The following MXI1 variants were observed in gnomAD, a reference collection of about 807,000 sequenced individuals.
MXI1 encodes MAX interactor 1, dimerization protein.
Under a neutral mutation model 36.9 loss-of-function variants are expected in MXI1, and 18 were observed. That is an observed-to-expected ratio of 0.49 (90% CI 0.34 to 0.72). The LOEUF is 0.72. MXI1 is among the 30% of genes least tolerant of loss of function. MXI1 has a pLI of 0.01. For synonymous variants in MXI1, 160 were observed against 146.7 expected, an observed-to-expected ratio of 1.09 and a Z score of -0.65; for missense variants, 304 against 379.1, an observed-to-expected ratio of 0.80 and a Z score of 1.64.
chr10:110,219,306 C>T (rs1249537501), intron 1 of MXI1, among the ~76,000 whole-genome samples: 1 of 152,108 alleles, frequency 6.6e-6, no homozygotes, highest in African/African-American at 2.4e-5. Flanking sequence ...TGTCAAAAAA[C>T]AAAAACAAAA....
intron 1 of MXI1, chr10:110,226,010 CG>C (rs1469603180): frequency 1.0e-6 from 1 of 982,452 alleles, no homozygotes; most frequent in Non-Finnish European, 1.2e-6. Context: ...AAACCACGCG[CG>C]GGCTGCCCGC....
intron 3 of MXI1, among the ~76,000 whole-genome samples, chr10:110,259,803 G>A (rs1420160026): frequency 1.3e-5 from 2 of 151,924 alleles, no homozygotes; most frequent in Non-Finnish European, 2.9e-5. Flanking sequence ...TGAAAGTCCC[G>A]TAAGTGTTAC....
At chr10:110,282,325 G>A (rs371425570) in intron 5 of MXI1, among the ~76,000 whole-genome samples, 9 of 152,006 alleles carry the variant, frequency 5.9e-5, no homozygotes, top group South Asian at 2.1e-4. Context: ...CCTTTTTAAC[G>A]CAACCTTTTT....
chr10:110,233,361 A>G (rs188317724), intron 2 of MXI1, among the ~76,000 whole-genome samples: 1 of 151,898 alleles, frequency 6.6e-6, no homozygotes. Flanking sequence ...GGGGAGAGGG[A>G]TGGTGGTGAA....
intron 3 of MXI1, among the ~76,000 whole-genome samples, chr10:110,253,396 G>A (rs1461689298): frequency 6.6e-6 from 1 of 151,906 alleles, no homozygotes; most frequent in Non-Finnish European, 1.5e-5. Flanking sequence ...GTTTTCTCTT[G>A]GTACATCATC....
intron 1 of MXI1, among the ~76,000 whole-genome samples, chr10:110,218,928 C>G (rs1854725888): frequency 6.6e-6 from 1 of 152,186 alleles, no homozygotes; most frequent in South Asian, 2.1e-4. Context: ...TGTGGGCCAG[C>G]TGGTTCCAGT....
intron 3 of MXI1, among the ~76,000 whole-genome samples, chr10:110,264,362 T>C (rs187213619): frequency 2.0e-4 from 30 of 148,206 alleles, no homozygotes; most frequent in Admixed American, 1.7e-3. Flanking sequence ...AATATATTAG[T>C]AATTGATTTT....
chr10:110,235,279 T>C (rs1855415941), intron 2 of MXI1, among the ~76,000 whole-genome samples: 1 of 152,214 alleles, frequency 6.6e-6, no homozygotes, highest in Admixed American at 6.5e-5. Flanking sequence ...TGAGATACTT[T>C]GTAGTACTGT....
intron 1 of MXI1, chr10:110,227,602 G>A (rs1855103487): frequency 7.3e-6 from 7 of 956,394 alleles, no homozygotes; most frequent in Non-Finnish European, 8.7e-6. Flanking sequence ...GGGAAGGGAC[G>A]AGGCCGGGAG....
In MXI1 at chr10:110,285,180, C is replaced by A; in HGVS notation, c.*193C>A. On this transcript the variant is annotated 3_prime_UTR_variant, in exon 6 of 6. Coordinates refer to ENST00000332674, the MANE Select transcript of MXI1 (RefSeq NM_130439.3). Reference sequence around the variant, plus strand: ...TTAGCAAAAAGTGGGGCAGAGCCTCCCAAGGAGAACAAATATTCAGAATAT... The same window carrying A: ...TTAGCAAAAAGTGGGGCAGAGCCTCACAAGGAGAACAAATATTCAGAATAT... 2.4e-6 allele frequency: 1 copy of A among 424,890 alleles called. No individual in the cohort carries two copies. The highest frequency in any genetic ancestry group is 4.0e-6 in the Non-Finnish European group (1 of 247,472). The allele number at this position is 424,890 out of a possible 1,614,324, so 26.3% of individuals were successfully genotyped here.
At chr10:110,265,322 T>C (rs1856647868) in intron 3 of MXI1, among the ~76,000 whole-genome samples, 1 of 152,238 alleles carries the variant, frequency 6.6e-6, no homozygotes, top group African/African-American at 2.4e-5. Flanking sequence ...GTTAAAACTT[T>C]AGATTTAGGG....
intron 3 of MXI1, among the ~76,000 whole-genome samples, chr10:110,267,422 C>T (rs775417762): frequency 1.3e-5 from 2 of 152,124 alleles, no homozygotes; most frequent in Non-Finnish European, 2.9e-5. Context: ...CAAAAGTGAA[C>T]TCTTTGGCAT....
intron 3 of MXI1, among the ~76,000 whole-genome samples, chr10:110,267,674 T>C (rs1856721300): frequency 6.6e-6 from 1 of 152,226 alleles, no homozygotes; most frequent in African/African-American, 2.4e-5. Flanking sequence ...ATAGAGCTGA[T>C]TGACTTTTCA....
chr10:110,277,350 T>C (rs1857070796), intron 3 of MXI1, among the ~76,000 whole-genome samples: 1 of 152,172 alleles, frequency 6.6e-6, no homozygotes, highest in Non-Finnish European at 1.5e-5. Context: ...CACGCTCCAG[T>C]CATATTATAT....
At chr10:110,237,352 G>T (rs990053757) in intron 2 of MXI1, among the ~76,000 whole-genome samples, 12 of 152,184 alleles carry the variant, frequency 7.9e-5, no homozygotes, top group Non-Finnish European at 1.6e-4. Flanking sequence ...TTTAGGTTGA[G>T]TAAATTCCCT....
chr10:110,274,226 T>C (rs772456500), intron 3 of MXI1, among the ~76,000 whole-genome samples: 6 of 152,342 alleles, frequency 3.9e-5, no homozygotes, highest in East Asian at 1.9e-4. Context: ...CATTGTTCTT[T>C]ATCCCACAAG....
At position 110,275,042 on chromosome 10, in the gene MXI1, T is replaced by G. The variant is rs1003459548; in HGVS notation, c.438-4138T>G. 4.0e-5 allele frequency among the ~76,000 whole-genome samples: 6 copies of G among 149,012 alleles called. No homozygotes were observed. The East Asian group carries it at 7.7e-4, about 19-fold the overall frequency. ...GGCACGGACCACCATGCCTGGCTAA[T>G]TTTTGTATTTTTAGTAGACACAGGG... On this transcript the variant is annotated intron_variant, in intron 3 of 5. Transcript: ENST00000332674.
At chr10:110,259,088 G>C (rs1856414635) in intron 3 of MXI1, among the ~76,000 whole-genome samples, 1 of 152,046 alleles carries the variant, frequency 6.6e-6, no homozygotes, top group East Asian at 1.9e-4. Context: ...ATTTTGTATA[G>C]AAATAAACAA....
intron 1 of MXI1, among the ~76,000 whole-genome samples, chr10:110,224,944 G>C (rs1442241436): frequency 6.6e-6 from 1 of 152,106 alleles, no homozygotes; most frequent in African/African-American, 2.4e-5. Context: ...CACTGTGCCC[G>C]GCCAGTGGTA....
Sources: allele counts gnomAD v4.1 joint callset (sites outside exome capture counted in the v4.1 genomes callset), GRCh38; gene constraint gnomAD v4.1.1; transcripts MANE v1.5; gene names NCBI Gene and HGNC (gene_info 2026-07-23, HGNC 2026-07-21).